The following CPNE4 variants were observed in gnomAD, a reference collection of about 807,000 sequenced individuals.
The protein encoded by CPNE4 is copine-4.
A neutral mutation model predicts 67.9 loss-of-function variants in CPNE4; 25 were observed. The observed-to-expected ratio is 0.37, with a 90% CI of 0.27 to 0.51. The LOEUF (loss-of-function observed/expected upper bound fraction) is 0.51, where lower values mean the gene tolerates loss of function less well. Among genes scored for constraint, CPNE4 ranks in the 20% least tolerant of loss-of-function variants. The pLI is 0.93. For missense variants in CPNE4, 464 were observed against 690.8 expected (o/e 0.67, Z 3.68); for synonymous variants, 242 against 244.9 (o/e 0.99, Z 0.11).
chr3:131,728,127 T>A (rs2082041815), intron 2 of CPNE4, among the ~76,000 whole-genome samples: 1 of 152,234 alleles, frequency 6.6e-6, no homozygotes, highest in Admixed American at 6.5e-5. Flanking sequence ...TGGAGTGGTC[T>A]CTCATTGTGG....
intron 1 of CPNE4, among the ~76,000 whole-genome samples, chr3:132,026,454 T>C (rs116609058): frequency 7.2e-5 from 11 of 152,276 alleles, no homozygotes; most frequent in African/African-American, 2.4e-4. Context: ...GAAGCAAAGA[T>C]CTTATGAAGC....
chr3:131,603,571 G>C (rs948662295), intron 7 of CPNE4, among the ~76,000 whole-genome samples: 22 of 152,214 alleles, frequency 1.4e-4, no homozygotes, highest in Non-Finnish European at 2.5e-4. Flanking sequence ...ATTTAGGTTA[G>C]GTACATAATT....
chr3:131,700,849 G>A (rs2081280370), intron 3 of CPNE4, among the ~76,000 whole-genome samples: 1 of 151,936 alleles, frequency 6.6e-6, no homozygotes, highest in African/African-American at 2.4e-5. Context: ...CAACCCAAAT[G>A]TCCATCAATG....
chr3:131,582,454 A>T (rs1387248050), intron 8 of CPNE4, among the ~76,000 whole-genome samples: 1 of 152,202 alleles, frequency 6.6e-6, no homozygotes. Context: ...ATGAAAGCTG[A>T]ATCTCTGGAT....
intron 11 of CPNE4, among the ~76,000 whole-genome samples, chr3:131,556,801 T>C (rs1936481299): frequency 6.6e-6 from 1 of 152,154 alleles, no homozygotes; most frequent in Non-Finnish European, 1.5e-5. Context: ...ATATTGGATC[T>C]TAACTCTAAC....
rs189794487 is a variant in CPNE4 at position 131,963,666 on chromosome 3, G to A, written c.-1-58222C>T. On this transcript the variant is annotated intron_variant, in intron 1 of 15. Coordinates refer to ENST00000429747, the MANE Select transcript of CPNE4 (RefSeq NM_130808.3). ...CACCGCAGGGCAGCGAAGCGGCTGTGGCCAGGCTGCCTCTCTAGATTCCTC... is the reference window on the plus strand; with the variant it reads ...CACCGCAGGGCAGCGAAGCGGCTGTAGCCAGGCTGCCTCTCTAGATTCCTC... 1.1e-3 allele frequency among the ~76,000 whole-genome samples: 166 copies of A among 152,288 alleles called. 1 individual carries two copies. The highest frequency in any genetic ancestry group is 3.7e-3 in the African/African-American group (154 of 41,560).
chr3:132,026,025 A>T (rs1453293772), intron 1 of CPNE4, among the ~76,000 whole-genome samples: 2 of 152,228 alleles, frequency 1.3e-5, no homozygotes, highest in Non-Finnish European at 2.9e-5. Context: ...TACAGATACA[A>T]CTATGTGCAG....
At chr3:132,017,530 G>C (rs1009827663) in intron 1 of CPNE4, 15 of 152,130 alleles carry the variant, frequency 9.9e-5, no homozygotes, top group African/African-American at 3.6e-4. Flanking sequence ...GTGTCTTAGA[G>C]GGCACCCGGC....
At chr3:132,007,005 G>C (rs1388899314) in intron 1 of CPNE4, among the ~76,000 whole-genome samples, 1 of 152,160 alleles carries the variant, frequency 6.6e-6, no homozygotes, top group African/African-American at 2.4e-5. Context: ...TACAATGACA[G>C]CTGCTCATTT....
At chr3:131,743,954 C>A in intron 2 of CPNE4, among the ~76,000 whole-genome samples, 1 of 60,570 alleles carries the variant, frequency 1.7e-5, no homozygotes, top group African/African-American at 6.5e-5. Context: ...CAGAGCGAGA[C>A]TCCGTCTCAA....
chr3:131,771,816 A>G (rs775643488), intron 2 of CPNE4, among the ~76,000 whole-genome samples: 1 of 152,170 alleles, frequency 6.6e-6, no homozygotes, highest in African/African-American at 2.4e-5. Flanking sequence ...GGTTGATACT[A>G]TCTGAAAATG....
intron 10 of CPNE4, among the ~76,000 whole-genome samples, chr3:131,570,996 A>ATACT (rs139220884): frequency 0.024 from 3,656 of 151,940 alleles, 133 homozygotes; most frequent in East Asian, 0.17. Flanking sequence ...TCTTGAATGA[A>ATACT]TACTTACACC....
At chr3:131,815,063 G>T (rs1006692984) in intron 2 of CPNE4, among the ~76,000 whole-genome samples, 1 of 152,168 alleles carries the variant, frequency 6.6e-6, no homozygotes, top group Non-Finnish European at 1.5e-5. Context: ...AGTTAAATAC[G>T]TATAGTTTAG....
chr3:131,699,410 G>A (rs1307922530), intron 4 of CPNE4, among the ~76,000 whole-genome samples: 9 of 152,128 alleles, frequency 5.9e-5, no homozygotes, highest in Non-Finnish European at 1.3e-4. Context: ...GAATCACACA[G>A]TAAACCTCCA....
chr3:131,743,962 CA>C (rs67791015), intron 2 of CPNE4, among the ~76,000 whole-genome samples: 8 of 59,204 alleles, frequency 1.4e-4, no homozygotes, highest in East Asian at 6.4e-4. Flanking sequence ...GACTCCGTCT[CA>C]AAAAAAAAAA....
At chr3:131,835,849 G>GGA (rs2085536794) in intron 2 of CPNE4, among the ~76,000 whole-genome samples, 1 of 152,146 alleles carries the variant, frequency 6.6e-6, no homozygotes, top group Non-Finnish European at 1.5e-5. Context: ...AGAGTAGAGT[G>GGA]GAGCTCTGTA....
chr3:131,683,421 C>A (rs776991353), intron 6 of CPNE4, among the ~76,000 whole-genome samples: 4 of 152,104 alleles, frequency 2.6e-5, no homozygotes. Context: ...AATGTCGTCT[C>A]GGAGCTACGG....
At position 131,670,684 on chromosome 3, in the gene CPNE4, C is replaced by T. The variant is rs920474553; in HGVS notation, c.592-920G>A. On this transcript the variant is annotated intron_variant, in intron 6 of 15. Transcript: ENST00000429747. ...GACAGACACTCTGGAGGTGGGTCTC[C>T]TGGGTGATTCTGAGGCACAAAGTTT... 2.6e-5 allele frequency among the ~76,000 whole-genome samples: 4 copies of T among 152,300 alleles called. No individual in the cohort carries two copies. In the East Asian group the frequency reaches 7.7e-4, roughly 29 times the overall value.
At chr3:131,992,831 A>T (rs527898177) in intron 1 of CPNE4, among the ~76,000 whole-genome samples, 3 of 135,786 alleles carry the variant, frequency 2.2e-5, no homozygotes, top group African/African-American at 7.4e-5. Flanking sequence ...GTGAGTTCTC[A>T]CGAGATCTAA....
Sources: allele counts gnomAD v4.1 joint callset (sites outside exome capture counted in the v4.1 genomes callset), GRCh38; gene constraint gnomAD v4.1.1; transcripts MANE v1.5; gene names NCBI Gene and HGNC (gene_info 2026-07-23, HGNC 2026-07-21).